Variants in LRRC28 observed in about 807,000 individuals in gnomAD.
LRRC28 encodes the protein leucine-rich repeat-containing protein 28.
In LRRC28, 39 loss-of-function variants were observed where a neutral mutation model predicts 45.7. The ratio of observed to expected loss-of-function variants is 0.85; its 90% CI spans 0.66 to 1.12. LRRC28 has a LOEUF of 1.12. LRRC28 is among the 50% of genes most tolerant of loss of function. The probability of loss-of-function intolerance (pLI) is 0.00; values close to 1 mark genes in which losing one functional copy is unlikely to be tolerated. For missense variants in LRRC28, 435 were observed against 438.5 expected, an observed-to-expected ratio of 0.99 and a Z score of 0.07; for synonymous variants, 206 against 178.8, an observed-to-expected ratio of 1.15 and a Z score of -1.22.
intron 5 of LRRC28, among the ~76,000 whole-genome samples, chr15:99,314,398 A>G (rs1412881882): frequency 6.6e-6 from 1 of 152,028 alleles, no homozygotes; most frequent in African/African-American, 2.4e-5. Flanking sequence ...TGATCACACA[A>G]CTGCACTCCA....
At chr15:99,375,282 A>G (rs970777090) in intron 9 of LRRC28, among the ~76,000 whole-genome samples, 1 of 152,214 alleles carries the variant, frequency 6.6e-6, no homozygotes, top group Non-Finnish European at 1.5e-5. Context: ...GATACTGATT[A>G]TCAAATATTG....
At chr15:99,342,650 T>C (rs1254542022) in intron 6 of LRRC28, among the ~76,000 whole-genome samples, 1 of 152,232 alleles carries the variant, frequency 6.6e-6, no homozygotes, top group Non-Finnish European at 1.5e-5. Context: ...TTGAGCACAG[T>C]GCCCAGCCCA....
At chr15:99,292,272 T>C (rs915782430) in intron 5 of LRRC28, among the ~76,000 whole-genome samples, 3 of 152,236 alleles carry the variant, frequency 2.0e-5, no homozygotes, top group Admixed American at 2.0e-4. Context: ...TCTTTCTCTC[T>C]TTTCTTGCCC....
In LRRC28 at chr15:99,287,887, T is replaced by C; in HGVS notation, c.321T>C (p.Ile107=). 1 of 1,613,866 alleles carries C rather than the reference T, an allele frequency of 6.2e-7. No homozygotes were observed. The highest frequency in any genetic ancestry group is 8.5e-7 in the Non-Finnish European group (1 of 1,179,858). ...DNALEIVCPE[I]GRLRALRHLR... is the part of the protein sequence containing the mutation. ...CCTTAGAAATTGTTTGCCCAGAAAT[T>C]GGTCGTCTGAGAGCTTTACGTCATC... is the stretch of plus-strand genomic sequence containing the variant. Residue 107 remains isoleucine (I), a synonymous_variant, in exon 5 of 10, where the codon ATT becomes ATC. Transcript: ENST00000301981.
At chr15:99,294,822 C>T (rs534692498) in intron 5 of LRRC28, among the ~76,000 whole-genome samples, 142 of 152,204 alleles carry the variant, frequency 9.3e-4, no homozygotes, top group Non-Finnish European at 1.6e-3. Context: ...GTCTTGACCT[C>T]CTTACAGCCT....
chr15:99,375,167 G>T (rs993818926), intron 9 of LRRC28, among the ~76,000 whole-genome samples: 1 of 152,118 alleles, frequency 6.6e-6, no homozygotes, highest in Admixed American at 6.5e-5. Flanking sequence ...TATGTAGTTT[G>T]CTGAGAGTTT....
chr15:99,327,229 C>G (rs918265526), intron 5 of LRRC28, among the ~76,000 whole-genome samples: 1 of 152,076 alleles, frequency 6.6e-6, no homozygotes, highest in African/African-American at 2.4e-5. Context: ...TGTGCACCAC[C>G]ACACCCAGCT....
At chr15:99,305,611 T>C (rs542350286) in intron 5 of LRRC28, among the ~76,000 whole-genome samples, 1 of 152,326 alleles carries the variant, frequency 6.6e-6, no homozygotes. Flanking sequence ...ATATCAGGGC[T>C]TGTTTATTTA....
intron 2 of LRRC28, among the ~76,000 whole-genome samples, chr15:99,260,408 C>T (rs905842008): frequency 6.6e-6 from 1 of 152,096 alleles, no homozygotes; most frequent in Non-Finnish European, 1.5e-5. Flanking sequence ...CATTTTATTT[C>T]CCTGCAACCT....
chr15:99,282,739 C>T (rs1015838262), intron 3 of LRRC28, among the ~76,000 whole-genome samples: 1 of 152,146 alleles, frequency 6.6e-6, no homozygotes, highest in African/African-American at 2.4e-5. Context: ...AGGAAATCAC[C>T]TAACGACACA....
At chr15:99,259,650 C>T (rs766561588) in intron 2 of LRRC28, 44 of 1,421,050 alleles carry the variant, frequency 3.1e-5, no homozygotes, top group Admixed American at 8.4e-5. Flanking sequence ...AATTACCATG[C>T]GAGTCGGAAG....
chr15:99,359,896 G>C (rs1343420310), intron 7 of LRRC28, among the ~76,000 whole-genome samples: 1 of 152,084 alleles, frequency 6.6e-6, no homozygotes, highest in African/African-American at 2.4e-5. Context: ...TACCCATAAT[G>C]ATATTCCATA....
At chr15:99,278,008 G>C (rs911621395) in intron 3 of LRRC28, among the ~76,000 whole-genome samples, 1 of 151,948 alleles carries the variant, frequency 6.6e-6, no homozygotes, top group Non-Finnish European at 1.5e-5. Flanking sequence ...TGATTTTTGC[G>C]TGTTAACTTT....
intron 9 of LRRC28, among the ~76,000 whole-genome samples, chr15:99,367,695 A>G (rs1436576787): frequency 6.6e-6 from 1 of 152,242 alleles, no homozygotes; most frequent in South Asian, 2.1e-4. Flanking sequence ...GAAGAGACGT[A>G]TAAAGCAAGG....
intron 9 of LRRC28, among the ~76,000 whole-genome samples, chr15:99,372,241 C>T (rs1483333133): frequency 2.6e-5 from 4 of 152,206 alleles, no homozygotes; most frequent in Middle Eastern, 3.4e-3. Flanking sequence ...CATTGTGATT[C>T]GTTCTTTTAA....
At chr15:99,262,196 A>G (rs192666289) in intron 2 of LRRC28, among the ~76,000 whole-genome samples, 26 of 152,274 alleles carry the variant, frequency 1.7e-4, no homozygotes, top group Admixed American at 5.9e-4. Flanking sequence ...CAATAGATAT[A>G]TGTACATTCT....
chr15:99,301,188 C>A (rs1425984380), intron 5 of LRRC28, among the ~76,000 whole-genome samples: 1 of 152,144 alleles, frequency 6.6e-6, no homozygotes, highest in Non-Finnish European at 1.5e-5. Context: ...AATTATTTAG[C>A]AATCTAAGAG....
chr15:99,280,994 A>G (rs2081771699), intron 3 of LRRC28, among the ~76,000 whole-genome samples: 1 of 151,018 alleles, frequency 6.6e-6, no homozygotes, highest in Non-Finnish European at 1.5e-5. Flanking sequence ...GTACTATACT[A>G]ATCCCACTCA....
chr15:99,268,034 A>G (rs1290341755), intron 2 of LRRC28, among the ~76,000 whole-genome samples: 2 of 152,312 alleles, frequency 1.3e-5, no homozygotes, highest in South Asian at 2.1e-4. Context: ...TTCTAAAGTC[A>G]CTTTTCAGTG....
Sources: gnomAD v4.1 joint callset for allele counts (sites outside exome capture counted in the v4.1 genomes callset) on GRCh38, gnomAD v4.1.1 for gene constraint, MANE v1.5 for transcripts, NCBI Gene and HGNC (gene_info 2026-07-23, HGNC 2026-07-21) for gene names.